The following SPTLC3 variants were observed in gnomAD, a reference collection of about 807,000 sequenced individuals.
SPTLC3 encodes serine palmitoyltransferase 3.
In SPTLC3, 36 loss-of-function variants were observed where a neutral mutation model predicts 59.3. That is an observed-to-expected ratio of 0.61 (90% CI 0.47 to 0.80). The LOEUF (loss-of-function observed/expected upper bound fraction) is 0.80, where lower values mean the gene tolerates loss of function less well. SPTLC3 is among the 30% of genes least tolerant of loss of function. The probability of loss-of-function intolerance (pLI) is 0.00; values close to 1 mark genes in which losing one functional copy is unlikely to be tolerated. For missense variants in SPTLC3, 625 were observed against 685.1 expected (o/e 0.91, Z 0.98); for synonymous variants, 257 against 240.8 (o/e 1.07, Z -0.62).
chr20:13,161,017 G>T (rs1048851090), intron 11 of SPTLC3, among the ~76,000 whole-genome samples: 1 of 152,184 alleles, frequency 6.6e-6, no homozygotes, highest in Non-Finnish European at 1.5e-5. Flanking sequence ...GGAGAGGAAA[G>T]GGGCAAAAGG....
intron 10 of SPTLC3, among the ~76,000 whole-genome samples, chr20:13,157,047 T>C (rs778781513): frequency 6.6e-6 from 1 of 152,184 alleles, no homozygotes; most frequent in African/African-American, 2.4e-5. Flanking sequence ...ACTAAATATA[T>C]GCTAAGTAAG....
chr20:13,142,564 G>A (rs570970067), intron 9 of SPTLC3, among the ~76,000 whole-genome samples: 3 of 152,264 alleles, frequency 2.0e-5, no homozygotes, highest in African/African-American at 7.2e-5. Flanking sequence ...GATTGTATTT[G>A]CTTTCTATTT....
intron 1 of SPTLC3, among the ~76,000 whole-genome samples, chr20:13,020,670 T>C (rs1985833993): frequency 6.6e-6 from 1 of 152,214 alleles, no homozygotes; most frequent in Non-Finnish European, 1.5e-5. Flanking sequence ...GTGGTAGCTT[T>C]TCGCACTCCC....
At chr20:13,110,087 T>A (rs1990137531) in intron 6 of SPTLC3, 25 bp from the exon 7 acceptor site, 2 of 889,956 alleles carry the variant, frequency 2.2e-6, no homozygotes, top group Non-Finnish European at 3.0e-6. Flanking sequence ...CATGACTCAA[T>A]TTTTTTTTTT....
At chr20:13,138,475 C>T (rs1233136163) in intron 9 of SPTLC3, among the ~76,000 whole-genome samples, 1 of 152,128 alleles carries the variant, frequency 6.6e-6, no homozygotes, top group Non-Finnish European at 1.5e-5. Flanking sequence ...TTATGTTAGT[C>T]ACACACACCC....
At chr20:13,160,159 C>A (rs775457439) in intron 11 of SPTLC3, 27 bp downstream of exon 11, 1 of 1,605,328 alleles carries the variant, frequency 6.2e-7, no homozygotes. Flanking sequence ...CCAACGGGAT[C>A]TCAGTACCAG....
At chr20:13,119,699 T>G (rs1241874132) in intron 8 of SPTLC3, among the ~76,000 whole-genome samples, 1 of 152,152 alleles carries the variant, frequency 6.6e-6, no homozygotes, top group Non-Finnish European at 1.5e-5. Context: ...AATTTACCAC[T>G]AGATGGCAGC....
At chr20:13,034,324 C>A (rs868022556) in intron 1 of SPTLC3, among the ~76,000 whole-genome samples, 1 of 152,184 alleles carries the variant, frequency 6.6e-6, no homozygotes, top group Middle Eastern at 3.2e-3. Flanking sequence ...ATGTGTGAGG[C>A]CATGTGTAGA....
chr20:13,051,715 A>G (rs1200781555), intron 2 of SPTLC3, among the ~76,000 whole-genome samples: 2 of 152,220 alleles, frequency 1.3e-5, no homozygotes, highest in African/African-American at 4.8e-5. Context: ...TAAATTTAGG[A>G]AAATTGAAAT....
At chr20:13,098,616 C>T (rs1989501640) in intron 6 of SPTLC3, among the ~76,000 whole-genome samples, 1 of 152,142 alleles carries the variant, frequency 6.6e-6, no homozygotes, top group Admixed American at 6.6e-5. Context: ...CCTTTGTACT[C>T]ATGAAAAATA....
At chr20:13,103,483 T>C (rs752275716) in intron 6 of SPTLC3, among the ~76,000 whole-genome samples, 6 of 152,168 alleles carry the variant, frequency 3.9e-5, no homozygotes, top group Non-Finnish European at 8.8e-5. Context: ...CATCCATCCA[T>C]CTTTTCATTT....
chr20:13,082,982 G>C (rs1373654533), intron 4 of SPTLC3, among the ~76,000 whole-genome samples: 1 of 152,170 alleles, frequency 6.6e-6, no homozygotes, highest in African/African-American at 2.4e-5. Context: ...GGTGGCAAAA[G>C]AACCATGTGA....
intron 9 of SPTLC3, among the ~76,000 whole-genome samples, chr20:13,128,804 C>T (rs1474392740): frequency 1.3e-5 from 2 of 151,854 alleles, no homozygotes; most frequent in Non-Finnish European, 2.9e-5. Context: ...GATTCTCCTG[C>T]CTTAGCCTCC....
At chr20:13,143,145 T>C (rs1372229529) in intron 9 of SPTLC3, among the ~76,000 whole-genome samples, 2 of 152,114 alleles carry the variant, frequency 1.3e-5, no homozygotes, top group Admixed American at 6.5e-5. Context: ...TAGGAATATA[T>C]GGAGGACATG....
intron 9 of SPTLC3, among the ~76,000 whole-genome samples, chr20:13,138,340 C>G (rs2038300007): frequency 6.6e-6 from 1 of 152,160 alleles, no homozygotes; most frequent in Non-Finnish European, 1.5e-5. Flanking sequence ...CTCATCCCTC[C>G]CCACAATACA....
chr20:13,013,712 T>C (rs1277029519), intron 1 of SPTLC3, among the ~76,000 whole-genome samples: 5 of 152,192 alleles, frequency 3.3e-5, no homozygotes, highest in African/African-American at 1.2e-4. Context: ...TAGCTCACAG[T>C]ATAAATGAGA....
At chr20:13,151,149 ACCAATGG>A (rs1407129850) in intron 9 of SPTLC3, among the ~76,000 whole-genome samples, 1 of 152,154 alleles carries the variant, frequency 6.6e-6, no homozygotes, top group African/African-American at 2.4e-5. Flanking sequence ...GCTTCTACCA[ACCAATGG>A]CTTACTCTGT....
chr20:13,129,207 G>A (rs540614650), intron 9 of SPTLC3, among the ~76,000 whole-genome samples: 72 of 152,192 alleles, frequency 4.7e-4, no homozygotes, highest in Middle Eastern at 3.4e-3. Context: ...TCACCACGTT[G>A]GCCATGCTGG....
At chr20:13,077,523 A>G (rs1260839741) in intron 4 of SPTLC3, among the ~76,000 whole-genome samples, 1 of 152,050 alleles carries the variant, frequency 6.6e-6, no homozygotes, top group African/African-American at 2.4e-5. Flanking sequence ...TAGAACCTAC[A>G]TAAGTCACAT....
Sources: allele counts gnomAD v4.1 joint callset (sites outside exome capture counted in the v4.1 genomes callset), GRCh38; gene constraint gnomAD v4.1.1; transcripts MANE v1.5; gene names NCBI Gene and HGNC (gene_info 2026-07-23, HGNC 2026-07-21).